Variants in SLC44A5 observed in about 807,000 individuals in gnomAD.
SLC44A5 encodes solute carrier family 44 member 5, also known as choline transporter-like protein 5.
Under a neutral mutation model 101.8 loss-of-function variants are expected in SLC44A5, and 57 were observed. The observed-to-expected ratio is 0.56, with a 90% confidence interval of 0.45 to 0.70. The LOEUF is 0.70. Ranked by LOEUF, SLC44A5 falls within the 30% of genes least tolerant of loss-of-function variation. The probability of loss-of-function intolerance (pLI) is 0.00; values close to 1 mark genes in which losing one functional copy is unlikely to be tolerated. For missense variants in SLC44A5, 737 were observed against 853.1 expected (o/e 0.86, Z 1.70); for synonymous variants, 281 against 290.9 (o/e 0.97, Z 0.35).
At chr1:75,640,111 T>C in the SLC44A5 span, among the ~76,000 whole-genome samples, 1 of 152,106 alleles carries the variant, frequency 6.6e-6, no homozygotes, top group African/African-American at 2.4e-5. Context: ...ACACAGTGCC[T>C]TGAAACAGCA....
intron 1 of SLC44A5, among the ~76,000 whole-genome samples, chr1:75,544,424 G>A (rs753467415): frequency 2.6e-5 from 4 of 152,078 alleles, no homozygotes; most frequent in Admixed American, 1.3e-4. Flanking sequence ...ATGAAACAAA[G>A]AACTGTTGTA....
intron 2 of SLC44A5, among the ~76,000 whole-genome samples, chr1:75,532,644 G>T (rs1199722492): frequency 6.6e-6 from 1 of 152,082 alleles, no homozygotes; most frequent in Non-Finnish European, 1.5e-5. Flanking sequence ...TTTTCCACTA[G>T]AATGTAAGAG....
chr1:75,589,753 G>A (rs745767832), intron 1 of SLC44A5, among the ~76,000 whole-genome samples: 44 of 152,116 alleles, frequency 2.9e-4, no homozygotes, highest in Non-Finnish European at 4.7e-4. Flanking sequence ...CTGTGTGCTC[G>A]GGGAGAGAGA....
chr1:75,303,727 T>C (rs111512360), intron 4 of SLC44A5, among the ~76,000 whole-genome samples: 1 of 152,154 alleles, frequency 6.6e-6, no homozygotes, highest in African/African-American at 2.4e-5. Flanking sequence ...CTCACCACAA[T>C]GGGACAGCAT....
the SLC44A5 span, among the ~76,000 whole-genome samples, chr1:75,620,577 C>T: frequency 0.021 from 3,209 of 152,256 alleles, 116 homozygotes; most frequent in African/African-American, 0.074. Context: ...TGTCTAATAA[C>T]CAGTGATGAT....
intron 4 of SLC44A5, among the ~76,000 whole-genome samples, chr1:75,330,202 T>TATACGTATATGCATATAC: frequency 6.8e-6 from 1 of 146,952 alleles, no homozygotes; most frequent in Non-Finnish European, 1.5e-5. Flanking sequence ...TATGCATATA[T>TATACGTATATGCATATAC]ATATATTCTA....
the SLC44A5 span, among the ~76,000 whole-genome samples, chr1:75,697,695 G>C: frequency 0.044 from 6,717 of 152,314 alleles, 203 homozygotes; most frequent in African/African-American, 0.092. Flanking sequence ...CTCCCAGCGT[G>C]AGTGACGCAG....
intron 1 of SLC44A5, among the ~76,000 whole-genome samples, chr1:75,558,367 A>C (rs1672334291): frequency 6.6e-6 from 1 of 152,082 alleles, no homozygotes; most frequent in South Asian, 2.1e-4. Flanking sequence ...CGTGTCAATA[A>C]TTTTCTGCTG....
chr1:75,446,723 T>C (rs1236202622), intron 2 of SLC44A5, among the ~76,000 whole-genome samples: 1 of 152,080 alleles, frequency 6.6e-6, no homozygotes, highest in Non-Finnish European at 1.5e-5. Flanking sequence ...TTCAATTGGC[T>C]TTGGAAATCA....
At chr1:75,303,489 C>G (rs1654665126) in intron 4 of SLC44A5, among the ~76,000 whole-genome samples, 9 of 152,238 alleles carry the variant, frequency 5.9e-5, no homozygotes, top group Admixed American at 5.9e-4. Context: ...CCACCTTGGC[C>G]TCCCAAAATG....
At chr1:75,483,002 G>A (rs997749238) in intron 2 of SLC44A5, among the ~76,000 whole-genome samples, 1 of 152,118 alleles carries the variant, frequency 6.6e-6, no homozygotes, top group African/African-American at 2.4e-5. Flanking sequence ...AACATTTATG[G>A]TAAAAATACA....
intron 2 of SLC44A5, among the ~76,000 whole-genome samples, chr1:75,516,672 A>G (rs987959528): frequency 1.3e-5 from 2 of 152,208 alleles, no homozygotes; most frequent in Non-Finnish European, 2.9e-5. Context: ...TGACCAGGGT[A>G]GGCACCGTGC....
chr1:75,636,895 C>A, the SLC44A5 span, among the ~76,000 whole-genome samples: 791 of 151,874 alleles, frequency 5.2e-3, 10 homozygotes, highest in Non-Finnish European at 8.3e-3. Context: ...AAAGGTAAAC[C>A]AAAGCACAAA....
chr1:75,663,987 T>G, the SLC44A5 span, among the ~76,000 whole-genome samples: 1 of 152,218 alleles, frequency 6.6e-6, no homozygotes, highest in Admixed American at 6.5e-5. Flanking sequence ...ATTCCTGGGA[T>G]GCAAGTCGGT....
intron 7 of SLC44A5, 97 bp downstream of exon 7, chr1:75,251,113 C>T (rs945727232): frequency 7.6e-5 from 69 of 903,726 alleles, no homozygotes; most frequent in Middle Eastern, 2.1e-4. Flanking sequence ...CCCCTGCCCA[C>T]GCACACACAC....
intron 2 of SLC44A5, among the ~76,000 whole-genome samples, chr1:75,519,971 C>T (rs566530235): frequency 1.3e-5 from 2 of 152,246 alleles, no homozygotes; most frequent in African/African-American, 4.8e-5. Context: ...GAAAAGTGGT[C>T]GGGACTGAAA....
At chr1:75,221,546 G>A (rs543697993) in intron 14 of SLC44A5, among the ~76,000 whole-genome samples, 2 of 152,260 alleles carry the variant, frequency 1.3e-5, no homozygotes, top group South Asian at 4.1e-4. Context: ...ATAGTCTGGT[G>A]CTCCTAGAAT....
At chr1:75,246,914 A>T (rs1358161016) in intron 7 of SLC44A5, among the ~76,000 whole-genome samples, 1 of 152,058 alleles carries the variant, frequency 6.6e-6, no homozygotes, top group Non-Finnish European at 1.5e-5. Context: ...GGAGTAGAAT[A>T]GGATATGTGG....
Position 75,582,277 on chromosome 1 carries a change from T to A in SLC44A5, c.-70+28763A>T, listed in dbSNP as rs1382406251. The A allele has an allele frequency of 2.0e-6, 3 of 1,531,180 alleles. No homozygotes were observed. In the Admixed American group the frequency reaches 5.2e-5, roughly 27 times the overall value. The allele number at this position is 1,531,180 out of a possible 1,614,324, so 94.8% of individuals were successfully genotyped here. A position where few individuals can be genotyped will look rare whatever the true frequency, so the allele number is the denominator to read the frequency against. ...GCCTAAAGAAGATGCAGGCCAACAA[T>A]GCCAAGGCCATGAGTGCACGTGCAA... On this transcript the variant is annotated intron_variant, in intron 1 of 23. Coordinates refer to ENST00000370859, the MANE Select transcript of SLC44A5 (RefSeq NM_001130058.2).
Sources: gnomAD v4.1 joint callset for allele counts (sites outside exome capture counted in the v4.1 genomes callset) on GRCh38, gnomAD v4.1.1 for gene constraint, MANE v1.5 for transcripts, NCBI Gene and HGNC (gene_info 2026-07-23, HGNC 2026-07-21) for gene names.